Variants in CD177 observed in about 807,000 individuals in gnomAD.
CD177 encodes the protein CD177 antigen.
In CD177, 41 loss-of-function variants were observed where a neutral mutation model predicts 38.1. That is an observed-to-expected ratio of 1.07 (90% CI 0.84 to 1.39). The LOEUF is 1.39. Ranked by LOEUF, CD177 falls within the 40% of genes most tolerant of loss-of-function variation. The pLI, the probability that CD177 is intolerant of heterozygous loss-of-function variation, is 0.00. For missense variants in CD177, 619 were observed against 523.8 expected, an observed-to-expected ratio of 1.18 and a Z score of -1.77; for synonymous variants, 236 against 216.7, an observed-to-expected ratio of 1.09 and a Z score of -0.78.
intron 4 of CD177, 80 bp downstream of exon 4, chr19:43,355,863 G>C (rs1404937211): frequency 4.4e-6 from 7 of 1,586,878 alleles, no homozygotes; most frequent in Non-Finnish European, 6.0e-6. Context: ...TGGGGAGTGA[G>C]GTGAGCTGAG....
chr19:43,353,782 A>C lies in CD177; in HGVS notation c.52+16A>C, dbSNP rs1220125519. Reference sequence around the variant, plus strand: ...CCACTGCCAGGTGAGTGATGAGCCCAGCCTGGAGGAGATTCCCTGGAGGCC... The same window carrying C: ...CCACTGCCAGGTGAGTGATGAGCCCCGCCTGGAGGAGATTCCCTGGAGGCC... On this transcript the variant is annotated intron_variant, in intron 1 of 8. Coordinates refer to ENST00000618265, the MANE Select transcript of CD177 (RefSeq NM_020406.4). The C allele has an allele frequency of 4.3e-6, 7 of 1,613,924 alleles. No homozygotes were observed. Among genetic ancestry groups the C allele is most frequent in the Non-Finnish European group, 5.9e-6 (7 of 1,179,840 alleles).
downstream of CD177, among the ~76,000 whole-genome samples, chr19:43,365,756 TTCC>T (rs1970021202): frequency 1.3e-5 from 2 of 151,442 alleles, no homozygotes; most frequent in South Asian, 4.2e-4. Flanking sequence ...GGTCTGCACT[TTCC>T]TCCTCTGTAT....
rs1196272577 is a variant in CD177 at position 43,362,169 on chromosome 19, G to C, written c.1163G>C (p.Gly388Ala). 2 of 1,613,576 alleles carry C rather than the reference G, an allele frequency of 1.2e-6. No homozygotes were observed. Among genetic ancestry groups the C allele is most frequent in the Non-Finnish European group, 1.7e-6 (2 of 1,179,770 alleles). ...TTGTTGAACCACACCAGACAAATCG[G>C]GATCTTCTCTGCGCGTGAGAAGCGT... ...SFLLNHTRQIGIFSAREKRDV... is the reference protein window; with the variant it reads ...SFLLNHTRQIAIFSAREKRDV... Residue 388 changes from glycine to alanine, a missense_variant, in exon 9 of 9, where the codon GGG (glycine) becomes GCG (alanine). Gly to Ala is a moderately conservative substitution (Grantham distance 60). Coordinates refer to ENST00000618265, the MANE Select transcript of CD177 (RefSeq NM_020406.4).
At chr19:43,365,693 G>A (rs1171306072), downstream of CD177, among the ~76,000 whole-genome samples, 1 of 147,054 alleles carries the variant, frequency 6.8e-6, no homozygotes, top group Non-Finnish European at 1.5e-5. Flanking sequence ...TAAGGCAGCC[G>A]CCGTCCACTT....
chr19:43,363,230 A>T (rs1016227452), downstream of CD177: 6 of 152,234 alleles, frequency 3.9e-5, no homozygotes, highest in Non-Finnish European at 8.8e-5. Flanking sequence ...GCATCTGCGT[A>T]TCGTGGGATA....
In CD177 at chr19:43,353,755, T is replaced by A. The variant is rs767422273; in HGVS notation, c.41T>A (p.Leu14His). 6.2e-7 allele frequency: 1 copy of A among 1,613,880 alleles called. No homozygotes were observed. Among genetic ancestry groups the A allele is most frequent in the South Asian group, 1.1e-5 (1 of 91,084 alleles). ...VLLLALLGFILPLPGVQALLC... is the reference protein window; with the variant it reads ...VLLLALLGFIHPLPGVQALLC... Reference sequence around the variant, plus strand: ...CTGCTGGCCCTCCTGGGGTTCATCCTCCCACTGCCAGGTGAGTGATGAGCC... The same window carrying A: ...CTGCTGGCCCTCCTGGGGTTCATCCACCCACTGCCAGGTGAGTGATGAGCC... Residue 14 changes from leucine to histidine, a missense_variant, in exon 1 of 9, where the codon CTC becomes CAC. By Grantham distance (99) the Leu-to-His change is moderately conservative (BLOSUM62 -3). Transcript: ENST00000618265.
intron 3 of CD177, 150 bp downstream of exon 3, chr19:43,354,542 G>C: frequency 1.3e-6 from 1 of 751,736 alleles, no homozygotes; most frequent in African/African-American, 1.8e-5. Context: ...CCTGACCATC[G>C]CCCCGCCCCG....
chr19:43,365,723 C>T (rs1031469426), downstream of CD177, among the ~76,000 whole-genome samples: 32 of 149,650 alleles, frequency 2.1e-4, 1 homozygote, highest in Non-Finnish European at 4.7e-4. Context: ...GCCAGCTCAC[C>T]GTGAGGACCC....
intron 3 of CD177, 63 bp downstream of exon 3, chr19:43,354,455 A>T (rs1472745326): frequency 1.3e-6 from 2 of 1,564,700 alleles, no homozygotes; most frequent in South Asian, 1.1e-5. Flanking sequence ...CTGAGCACAG[A>T]GGGGCTGTTA....
At chr19:43,365,855 T>G (rs62114805), downstream of CD177, among the ~76,000 whole-genome samples, 2 of 151,942 alleles carry the variant, frequency 1.3e-5, no homozygotes, top group Admixed American at 6.5e-5. Context: ...AGTCACTTGC[T>G]GGCCTCAGAC....
At position 43,362,140 on chromosome 19, in the gene CD177, C is replaced by G; in HGVS notation, c.1134C>G (p.Ser378Arg). The change falls in exon 9 of 9, where the codon AGC (serine) becomes AGG (arginine). Residue 378 changes from serine to arginine, a missense_variant. Coordinates refer to ENST00000618265, the MANE Select transcript of CD177 (RefSeq NM_020406.4). ...AGGGCTGCGTGGCCCAACCTTCCAG[C>G]TTCTTGTTGAACCACACCAGACAAA... Reference protein sequence around the residue: ...SIQGCVAQPSSFLLNHTRQIG... With the variant: ...SIQGCVAQPSRFLLNHTRQIG... The G allele has an allele frequency of 6.2e-7, 1 of 1,613,810 alleles. No individual in the cohort carries two copies. Among genetic ancestry groups the G allele is most frequent in the Non-Finnish European group, 8.5e-7 (1 of 1,179,774 alleles).
chr19:43,355,243 A>G (rs1269832205), intron 3 of CD177, among the ~76,000 whole-genome samples: 4 of 148,348 alleles, frequency 2.7e-5, no homozygotes, highest in African/African-American at 1.0e-4. Context: ...CCTCCCACGT[A>G]GCAGGGACTA....
chr19:43,361,654 T>C, intron 8 of CD177, 75 bp downstream of exon 8: 1 of 1,448,738 alleles, frequency 6.9e-7, no homozygotes, highest in South Asian at 1.3e-5. Context: ...GAGGAGGGGC[T>C]GGGGGCCTGG....
intron 5 of CD177, 135 bp downstream of exon 5, chr19:43,356,243 T>TA: frequency 4.0e-6 from 1 of 250,578 alleles, no homozygotes; most frequent in South Asian, 2.5e-5. Context: ...GCATGTGGCT[T>TA]TAGGCAACAG....
In CD177 at chr19:43,353,837, G is replaced by T; in HGVS notation, c.53-16G>T. 6.2e-7 allele frequency: 1 copy of T among 1,613,798 alleles called. No homozygotes were observed. The highest frequency in any genetic ancestry group is 1.1e-5 in the South Asian group (1 of 91,084). On this transcript the variant is annotated splice_polypyrimidine_tract_variant and intron_variant, in intron 1 of 8. Transcript: ENST00000618265. ...AAGGGAACCCTGCTGAGATGGATTT[G>T]CTCTTGCCACTCCAGGAGTGCAGGC...
chr19:43,354,458 G>T lies in CD177; in HGVS notation c.379+66G>T, dbSNP rs187648405. 36 of 1,549,332 alleles carry T rather than the reference G, an allele frequency of 2.3e-5. No individual in the cohort carries two copies. In the Admixed American group the frequency reaches 5.9e-4, roughly 25 times the overall value. ...GAAGGGGATCCGCTGAGCACAGAGG[G>T]GCTGTTACGGAGTCCCTCCCACCCT... On this transcript the variant is annotated intron_variant, in intron 3 of 8. Coordinates refer to ENST00000618265, the MANE Select transcript of CD177 (RefSeq NM_020406.4).
intron 2 of CD177, 71 bp downstream of exon 2, chr19:43,354,064 G>A: frequency 1.9e-6 from 3 of 1,578,686 alleles, no homozygotes; most frequent in South Asian, 2.3e-5. Flanking sequence ...CAGGGACCCG[G>A]GAGCCACCCC....
At chr19:43,361,606 G>T in intron 8 of CD177, 27 bp downstream of exon 8, 1 of 1,553,554 alleles carries the variant, frequency 6.4e-7, no homozygotes, top group South Asian at 1.2e-5. Context: ...GGGCCCCAAG[G>T]ATGAAGGCAC....
Position 43,361,249 on chromosome 19 carries a change from C to T in CD177, c.867C>T (p.Ser289=). 6.5e-7 allele frequency: 1 copy of T among 1,533,126 alleles called. No individual in the cohort carries two copies. The highest frequency in any genetic ancestry group is 9.0e-7 in the Non-Finnish European group (1 of 1,111,536). 95.0% of individuals were successfully genotyped at this position (1,533,126 alleles called of 1,614,324 possible). ...HSAPPGVLVA[S]YTHFCSSDLC... is the part of the protein sequence containing the mutation. ...CCCCTCCTGGGGTGCTTGTGGCCTC[C>T]TATACCCACTTCTGCTCCTCGGACC... Residue 289 remains serine, a synonymous_variant, in exon 7 of 9, where the codon TCC becomes TCT. Transcript: ENST00000618265.
Sources: gnomAD v4.1 joint callset for allele counts (sites outside exome capture counted in the v4.1 genomes callset) on GRCh38, gnomAD v4.1.1 for gene constraint, MANE v1.5 for transcripts, NCBI Gene and HGNC (gene_info 2026-07-23, HGNC 2026-07-21) for gene names.